ZSWIM6: variants seen among roughly 807,000 people sequenced by gnomAD.
ZSWIM6 encodes zinc finger SWIM domain-containing protein 6.
A neutral mutation model predicts 113.2 loss-of-function variants in ZSWIM6; 9 were observed. The ratio of observed to expected loss-of-function variants is 0.08; its 90% CI spans 0.05 to 0.14. ZSWIM6 has a LOEUF of 0.14. ZSWIM6 is among the 10% of genes least tolerant of loss of function. The pLI is 1.00. For synonymous variants in ZSWIM6, 611 were observed against 606.5 expected, an observed-to-expected ratio of 1.01 and a Z score of -0.11; for missense variants, 1,162 against 1,552.2, an observed-to-expected ratio of 0.75 and a Z score of 4.22.
At chr5:61,352,497 T>C (rs1377328392) in intron 1 of ZSWIM6, among the ~76,000 whole-genome samples, 1 of 152,222 alleles carries the variant, frequency 6.6e-6, no homozygotes, top group East Asian at 1.9e-4. Flanking sequence ...GGAGGAGGCA[T>C]TGCTTTTATT....
chr5:61,350,153 T>C (rs1744750281), intron 1 of ZSWIM6, among the ~76,000 whole-genome samples: 2 of 152,192 alleles, frequency 1.3e-5, no homozygotes, highest in African/African-American at 2.4e-5. Flanking sequence ...TATCCAGATA[T>C]TGTGTGACCA....
chr5:61,479,770 T>G (rs112616399), intron 2 of ZSWIM6, among the ~76,000 whole-genome samples: 8 of 152,308 alleles, frequency 5.3e-5, no homozygotes, highest in African/African-American at 1.9e-4. Flanking sequence ...TTGTAAAATG[T>G]GGACAATGAA....
At chr5:61,490,403 A>T (rs1377387956) in intron 2 of ZSWIM6, among the ~76,000 whole-genome samples, 1 of 152,130 alleles carries the variant, frequency 6.6e-6, no homozygotes, top group Non-Finnish European at 1.5e-5. Context: ...TGCTAAGTTT[A>T]CTTGTCTCAT....
chr5:61,353,044 CTT>C (rs1744824992), intron 1 of ZSWIM6, among the ~76,000 whole-genome samples: 1 of 152,054 alleles, frequency 6.6e-6, no homozygotes, highest in African/African-American at 2.4e-5. Flanking sequence ...TCTGTGCATT[CTT>C]GCTTATGCTT....
intron 4 of ZSWIM6, among the ~76,000 whole-genome samples, chr5:61,519,822 G>T (rs1190846553): frequency 6.6e-6 from 1 of 152,148 alleles, no homozygotes; most frequent in East Asian, 1.9e-4. Flanking sequence ...ACGGATGGGG[G>T]GTGGGAGAGG....
At chr5:61,414,548 A>G (rs993803345) in intron 1 of ZSWIM6, among the ~76,000 whole-genome samples, 2 of 152,212 alleles carry the variant, frequency 1.3e-5, no homozygotes, top group African/African-American at 4.8e-5. Context: ...TGTGCCAACT[A>G]TAAAATTAGT....
At position 61,544,392 on chromosome 5, in the gene ZSWIM6, C is replaced by A; in HGVS notation, c.*75C>A. 1.9e-6 allele frequency: 2 copies of A among 1,029,608 alleles called. No homozygotes were observed. Among genetic ancestry groups the A allele is most frequent in the Non-Finnish European group, 1.4e-6 (1 of 706,628 alleles). The allele number at this position is 1,029,608 out of a possible 1,614,324, so 63.8% of individuals were successfully genotyped here. On this transcript the variant is annotated 3_prime_UTR_variant, in exon 14 of 14. Transcript: ENST00000252744. ...TTTTTACTTGAGCCTGCCTTTGTAC[C>A]CTTTTTAACTTAAAGAACAGAGCCA...
intron 6 of ZSWIM6, 44 bp downstream of exon 6, chr5:61,526,020 T>C (rs370149631): frequency 2.7e-5 from 42 of 1,546,446 alleles, no homozygotes; most frequent in Non-Finnish European, 3.4e-5. Context: ...CTTACTTCTT[T>C]GTTTAGTTTC....
At chr5:61,369,059 G>T (rs1745214221) in intron 1 of ZSWIM6, among the ~76,000 whole-genome samples, 1 of 152,222 alleles carries the variant, frequency 6.6e-6, no homozygotes, top group Non-Finnish European at 1.5e-5. Flanking sequence ...TTTTGTATGT[G>T]ATGTCCTTTT....
At chr5:61,515,997 G>A (rs1255430897) in intron 4 of ZSWIM6, among the ~76,000 whole-genome samples, 1 of 151,832 alleles carries the variant, frequency 6.6e-6, no homozygotes, top group South Asian at 2.1e-4. Context: ...ATTTTATAGT[G>A]TTTTTTCATG....
chr5:61,519,590 G>A (rs878945121), intron 4 of ZSWIM6, among the ~76,000 whole-genome samples: 9 of 151,996 alleles, frequency 5.9e-5, no homozygotes, highest in Non-Finnish European at 7.4e-5. Context: ...TGGGAGGGAC[G>A]GGTGTGGACT....
intron 3 of ZSWIM6, among the ~76,000 whole-genome samples, 194 bp from the exon 4 acceptor site, chr5:61,494,066 T>C (rs947408172): frequency 6.6e-6 from 1 of 152,016 alleles, no homozygotes; most frequent in Non-Finnish European, 1.5e-5. Flanking sequence ...AATTTTATAT[T>C]TTGTTTGCTT....
intron 8 of ZSWIM6, among the ~76,000 whole-genome samples, chr5:61,530,956 C>T (rs1199996268): frequency 1.3e-5 from 2 of 152,132 alleles, no homozygotes; most frequent in Admixed American, 6.5e-5. Context: ...ATAATAGAAG[C>T]ACTTTAATGG....
At chr5:61,385,873 C>A (rs145307396) in intron 1 of ZSWIM6, among the ~76,000 whole-genome samples, 2 of 152,078 alleles carry the variant, frequency 1.3e-5, no homozygotes, top group Non-Finnish European at 2.9e-5. Flanking sequence ...TGATTGGATT[C>A]GACTCATGGC....
rs368160136 is a variant in ZSWIM6, at chr5:61,412,893, G to A, written c.677-59788G>A. On this transcript the variant is annotated intron_variant, in intron 1 of 13. Coordinates refer to ENST00000252744, the MANE Select transcript of ZSWIM6 (RefSeq NM_020928.2). Reference sequence around the variant, plus strand: ...CATTCCTTTTGAATACCTACTGTGTGCCAGACTTAAAGTCAGTTGCTGGGT... The same window carrying A: ...CATTCCTTTTGAATACCTACTGTGTACCAGACTTAAAGTCAGTTGCTGGGT... Among the ~76,000 whole-genome samples the A allele has an allele frequency of 3.3e-5, 5 of 152,032 alleles. No homozygotes were observed. In the South Asian group the frequency reaches 1.0e-3, roughly 32 times the overall value.
chr5:61,444,621 G>A (rs1186059832), intron 1 of ZSWIM6, among the ~76,000 whole-genome samples: 1 of 152,172 alleles, frequency 6.6e-6, no homozygotes, highest in Non-Finnish European at 1.5e-5. Context: ...GAGCAGATCA[G>A]TGCTCCAAGA....
chr5:61,527,367 G>A lies in ZSWIM6; in HGVS notation c.1837+971G>A, dbSNP rs577860384. On this transcript the variant is annotated intron_variant, in intron 7 of 13. Transcript: ENST00000252744. ...TGGTTTTGGTTTTGGTTATATTTTT[G>A]TTTTTAATGCTTGGGTGATTATACA... Among the ~76,000 whole-genome samples the A allele has an allele frequency of 7.9e-5, 12 of 152,126 alleles. No homozygotes were observed. In the South Asian group the frequency reaches 2.3e-3, roughly 29 times the overall value.
chr5:61,499,219 G>A lies in ZSWIM6; in HGVS notation c.1333+4809G>A, dbSNP rs369813171. ...TTCCAAATAGCTGGAAGTATAGAGC[G>A]TAATTCTAATGAACCACATATCAGG... On this transcript the variant is annotated intron_variant, in intron 4 of 13. Transcript: ENST00000252744. 8.5e-5 allele frequency among the ~76,000 whole-genome samples: 13 copies of A among 152,290 alleles called. No homozygotes were observed. In the South Asian group the frequency reaches 1.5e-3, roughly 17 times the overall value.
At chr5:61,399,764 G>A (rs149717946) in intron 1 of ZSWIM6, among the ~76,000 whole-genome samples, 104 of 152,316 alleles carry the variant, frequency 6.8e-4, no homozygotes, top group African/African-American at 2.5e-3. Flanking sequence ...CTTGTAAGAA[G>A]AAAATACTTC....
Sources: gnomAD v4.1 joint callset for allele counts (sites outside exome capture counted in the v4.1 genomes callset) on GRCh38, gnomAD v4.1.1 for gene constraint, MANE v1.5 for transcripts, NCBI Gene and HGNC (gene_info 2026-07-23, HGNC 2026-07-21) for gene names.